ARID1A: variants seen among roughly 807,000 people sequenced by gnomAD.
The protein encoded by ARID1A is AT-rich interactive domain-containing protein 1A.
A neutral mutation model predicts 212.6 loss-of-function variants in ARID1A; 20 were observed. That is an observed-to-expected ratio of 0.09 (90% CI 0.07 to 0.14). The LOEUF is 0.14. Ranked by LOEUF, ARID1A falls within the 10% of genes least tolerant of loss-of-function variation. The pLI is 1.00. For synonymous variants in ARID1A, 1,376 were observed against 1,222.1 expected (o/e 1.13, Z -2.63); for missense variants, 2,587 against 3,059.0 (o/e 0.85, Z 3.64).
chr1:26,714,371 T>TG (rs772986594), intron 1 of ARID1A, among the ~76,000 whole-genome samples: 81 of 152,300 alleles, frequency 5.3e-4, no homozygotes, highest in Non-Finnish European at 3.2e-4. Context: ...CCTTAAAACC[T>TG]GAGGATTTGG....
chr1:26,744,629 AGC>A (rs2080819747), intron 4 of ARID1A, among the ~76,000 whole-genome samples: 1 of 152,094 alleles, frequency 6.6e-6, no homozygotes, highest in African/African-American at 2.4e-5. Flanking sequence ...TTGTACCTGG[AGC>A]TTTTAAATGT....
At chr1:26,731,718 A>AAT in intron 3 of ARID1A, 114 bp downstream of exon 3, 1 of 1,157,082 alleles carries the variant, frequency 8.6e-7, no homozygotes, top group Non-Finnish European at 1.2e-6. Context: ...CTTAAAGACC[A>AAT]ATTAAACTCT....
At chr1:26,748,428 CTGTT>C (rs1169505942) in intron 4 of ARID1A, among the ~76,000 whole-genome samples, 1 of 152,108 alleles carries the variant, frequency 6.6e-6, no homozygotes, top group Non-Finnish European at 1.5e-5. Flanking sequence ...AGAACAAACT[CTGTT>C]TGGTTGACCT....
Position 26,775,084 on chromosome 1 carries a change from A to G in ARID1A, c.4857A>G (p.Pro1619=). The change falls in exon 18 of 20, where the codon CCA becomes CCG. Residue 1619 remains proline, a synonymous_variant. Transcript: ENST00000324856. ...SGMKMQKAGP[P]VPASHIAPAP... Reference sequence around the variant, plus strand: ...TGAAAATGCAGAAGGCAGGTCCCCCAGTACCTGCCTCGCACATAGCACCTG... The same window carrying G: ...TGAAAATGCAGAAGGCAGGTCCCCCGGTACCTGCCTCGCACATAGCACCTG... The G allele has an allele frequency of 1.2e-6, 2 of 1,613,984 alleles. No homozygotes were observed. Among genetic ancestry groups the G allele is most frequent in the African/African-American group, 1.3e-5 (1 of 75,032 alleles).
chr1:26,755,035 G>A (rs1297286811), intron 4 of ARID1A, among the ~76,000 whole-genome samples: 1 of 152,184 alleles, frequency 6.6e-6, no homozygotes, highest in Non-Finnish European at 1.5e-5. Flanking sequence ...CTTGAACCCA[G>A]GAGACAGAGG....
At chr1:26,737,861 G>A (rs1180426722) in intron 4 of ARID1A, among the ~76,000 whole-genome samples, 11 of 149,164 alleles carry the variant, frequency 7.4e-5, no homozygotes, top group Non-Finnish European at 1.6e-4. Context: ...GCGAAACTCC[G>A]TCTCAAAAAA....
chr1:26,697,068 AC>A lies in ARID1A; in HGVS notation c.671del (p.Pro224ArgfsTer8), dbSNP rs1462224784. On this transcript the variant is annotated frameshift_variant, in exon 1 of 20. Coordinates refer to ENST00000324856, the MANE Select transcript of ARID1A (RefSeq NM_006015.6). LOFTEE classifies it high-confidence loss of function. ...YNSYYPNRSA[Y>X]PPPAPAYALS... Reference sequence around the variant, plus strand: ...TCCTACTACCCCAACCGCAGCGCCTACCCCCCGCCCGCCCCGGCCTACGCGC... The same window carrying A: ...TCCTACTACCCCAACCGCAGCGCCTACCCCCGCCCGCCCCGGCCTACGCGC... 17 of 1,503,138 alleles carry A rather than the reference AC, an allele frequency of 1.1e-5. No individual in the cohort carries two copies. Among genetic ancestry groups the A allele is most frequent in the Admixed American group, 9.4e-5 (4 of 42,358 alleles). 93.1% of individuals were successfully genotyped at this position (1,503,138 alleles called of 1,614,324 possible).
At chr1:26,738,503 T>C (rs1397801763) in intron 4 of ARID1A, among the ~76,000 whole-genome samples, 2 of 152,218 alleles carry the variant, frequency 1.3e-5, no homozygotes, top group Non-Finnish European at 2.9e-5. Context: ...ACTTACTGAA[T>C]AGATGAACCT....
At position 26,780,741 on chromosome 1, in the gene ARID1A, G is replaced by A. The variant is rs2124153614; in HGVS notation, c.6843G>A (p.Leu2281=). 1 of 1,570,704 alleles carries A rather than the reference G, an allele frequency of 6.4e-7. No individual in the cohort carries two copies. The highest frequency in any genetic ancestry group is 8.6e-7 in the Non-Finnish European group (1 of 1,158,872). ...VSQVICDVLF[L]IGQS is the part of the protein sequence containing the mutation. ...AAGTCATTTGTGATGTACTGTTTTT[G>A]ATTGGCCAGTCATGACAGCCGTGGG... Residue 2281 remains leucine (L), a synonymous_variant, in exon 20 of 20, where the codon TTG becomes TTA. Coordinates refer to ENST00000324856, the MANE Select transcript of ARID1A (RefSeq NM_006015.6). The surrounding 1 kb of genome is among the most constrained non-coding windows in gnomAD (Gnocchi z 7.2).
In ARID1A at chr1:26,731,540, C is replaced by T. The variant is rs1197689200; in HGVS notation, c.1739C>T (p.Pro580Leu). 6.2e-7 allele frequency: 1 copy of T among 1,614,150 alleles called. No individual in the cohort carries two copies. Among genetic ancestry groups the T allele is most frequent in the Non-Finnish European group, 8.5e-7 (1 of 1,180,026 alleles). The change falls in exon 3 of 20, where the codon CCT becomes CTT. Residue 580 changes from proline (P) to leucine (L), a missense_variant. This residue lies in a region of ARID1A where 674 missense variants were observed against 813.4 expected (regional missense o/e 0.83). Transcript: ENST00000324856. ...PSTLSQQAAY[P>L]QPQSQQSQQT... is the part of the protein sequence containing the mutation. ...ACGCTCTCCCAGCAGGCTGCGTATCCTCAGCCCCAGTCTCAGCAGTCCCAG... is the reference window on the plus strand; with the variant it reads ...ACGCTCTCCCAGCAGGCTGCGTATCTTCAGCCCCAGTCTCAGCAGTCCCAG...
Position 26,770,931 on chromosome 1 carries a change from TA to T in ARID1A, c.3199-184del, listed in dbSNP as rs2081078258. Reference sequence around the variant, plus strand: ...TAGTTGCAGTGGAACATCCTGAGGGTAAAATGAAGCCAGCTGCAGATTTAAC... The same window carrying T: ...TAGTTGCAGTGGAACATCCTGAGGGTAAATGAAGCCAGCTGCAGATTTAAC... On this transcript the variant is annotated intron_variant, in intron 11 of 19. Coordinates refer to ENST00000324856, the MANE Select transcript of ARID1A (RefSeq NM_006015.6). 10 of 603,362 alleles carry T rather than the reference TA, an allele frequency of 1.7e-5. No individual in the cohort carries two copies. The South Asian group carries it at 2.1e-4, about 12-fold the overall frequency. 37.4% of individuals were successfully genotyped at this position (603,362 alleles called of 1,614,324 possible).
chr1:26,756,916 A>T (rs1470670482), intron 4 of ARID1A, among the ~76,000 whole-genome samples: 3 of 151,928 alleles, frequency 2.0e-5, no homozygotes, highest in Admixed American at 6.6e-5. Flanking sequence ...GTTAGCCAGT[A>T]TGGTCTCGAT....
chr1:26,752,352 C>T (rs554146784), intron 4 of ARID1A, among the ~76,000 whole-genome samples: 1 of 152,310 alleles, frequency 6.6e-6, no homozygotes, highest in Non-Finnish European at 1.5e-5. Flanking sequence ...AGTTCTGTAA[C>T]TTTTGGAGTC....
intron 1 of ARID1A, among the ~76,000 whole-genome samples, chr1:26,715,942 C>T (rs541063328): frequency 6.6e-6 from 1 of 151,828 alleles, no homozygotes; most frequent in Admixed American, 6.5e-5. Context: ...CGCGGTGGCT[C>T]ACGCCTGTAA....
intron 19 of ARID1A, among the ~76,000 whole-genome samples, chr1:26,777,021 A>G (rs892103845): frequency 6.6e-6 from 1 of 152,176 alleles, no homozygotes; most frequent in Non-Finnish European, 1.5e-5. Flanking sequence ...CCTCAGAACA[A>G]CCCTGTAAAG....
At chr1:26,733,988 T>C (rs1398749557) in intron 4 of ARID1A, among the ~76,000 whole-genome samples, 1 of 152,212 alleles carries the variant, frequency 6.6e-6, no homozygotes, top group African/African-American at 2.4e-5. Context: ...GTACCTGGTG[T>C]TCAGGCTTCT....
chr1:26,698,265 C>T (rs1016083008), intron 1 of ARID1A, among the ~76,000 whole-genome samples: 1 of 152,230 alleles, frequency 6.6e-6, no homozygotes, highest in Non-Finnish European at 1.5e-5. Context: ...CTTAGGTTGA[C>T]ATCCTATCTG....
intron 4 of ARID1A, among the ~76,000 whole-genome samples, chr1:26,752,271 A>G (rs957178890): frequency 6.6e-6 from 1 of 152,226 alleles, no homozygotes; most frequent in African/African-American, 2.4e-5. Context: ...AACATCAGCA[A>G]GCCTGCTCTC....
intron 1 of ARID1A, among the ~76,000 whole-genome samples, chr1:26,725,702 C>G (rs2124779925): frequency 6.6e-6 from 1 of 152,108 alleles, no homozygotes; most frequent in African/African-American, 2.4e-5. Context: ...TTCCTTGAAC[C>G]CTTTATAGCC....
Sources: allele counts gnomAD v4.1 joint callset (sites outside exome capture counted in the v4.1 genomes callset), GRCh38; gene constraint gnomAD v4.1.1; regional missense constraint gnomAD v4.1.1; non-coding constraint Gnocchi (gnomAD v3.1); transcripts MANE v1.5; gene names NCBI Gene and HGNC (gene_info 2026-07-23, HGNC 2026-07-21).